The following DNTT variants were observed in gnomAD, a reference collection of about 807,000 sequenced individuals.
DNTT encodes the protein DNA nucleotidylexotransferase.
DNTT carries 47 observed loss-of-function variants against 60.9 expected under a neutral mutation model. The observed-to-expected ratio is 0.77, with a 90% CI of 0.61 to 0.98. DNTT has a LOEUF of 0.98. DNTT is among the 50% of genes least tolerant of loss of function. DNTT has a pLI of 0.00. For synonymous variants in DNTT, 224 were observed against 221.2 expected, an observed-to-expected ratio of 1.01 and a Z score of -0.11; for missense variants, 665 against 627.5, an observed-to-expected ratio of 1.06 and a Z score of -0.64.
chr10:96,314,559 C>T (rs191437027), intron 1 of DNTT, among the ~76,000 whole-genome samples: 55 of 150,624 alleles, frequency 3.7e-4, no homozygotes, highest in African/African-American at 1.3e-3. Flanking sequence ...ACTACAGGCG[C>T]GTTCCACCAC....
At chr10:96,316,420 G>A (rs926739289) in intron 1 of DNTT, among the ~76,000 whole-genome samples, 9 of 151,996 alleles carry the variant, frequency 5.9e-5, no homozygotes, top group African/African-American at 1.4e-4. Context: ...TACCAGACTC[G>A]TCTTTTAAAA....
Position 96,327,608 on chromosome 10 carries a change from A to T in DNTT, c.1007+8A>T. On this transcript the variant is annotated splice_region_variant and intron_variant, in intron 7 of 10. Transcript: ENST00000371174. ...GACAGGAGGGTTCCGGAGGTAAATA[A>T]CTTGGGTGGCTTTGCCTCCTCTGCC... is the stretch of plus-strand genomic sequence containing the variant. 1 of 1,610,302 alleles carries T rather than the reference A, an allele frequency of 6.2e-7. No individual in the cohort carries two copies.
At chr10:96,313,293 A>G (rs1447125320) in intron 1 of DNTT, among the ~76,000 whole-genome samples, 1 of 152,138 alleles carries the variant, frequency 6.6e-6, no homozygotes, top group Non-Finnish European at 1.5e-5. Flanking sequence ...CTTTTATTAT[A>G]AGAAGGAAGC....
chr10:96,329,984 G>A (rs987300436), intron 8 of DNTT, among the ~76,000 whole-genome samples: 3 of 152,206 alleles, frequency 2.0e-5, no homozygotes, highest in African/African-American at 7.2e-5. Context: ...CTCCTAGTCA[G>A]GAGTTTCTCA....
At position 96,307,643 on chromosome 10, in the gene DNTT, G is replaced by A. The variant is rs115001579; in HGVS notation, c.203+2943G>A. Among the ~76,000 whole-genome samples, 1,013 of 146,862 alleles carry A rather than the reference G, an allele frequency of 6.9e-3. 9 individuals carry two copies. The highest frequency in any genetic ancestry group is 0.023 in the African/African-American group (914 of 40,142). On this transcript the variant is annotated intron_variant, in intron 1 of 10. Coordinates refer to ENST00000371174, the MANE Select transcript of DNTT (RefSeq NM_004088.4). ...TGCTGGGATTACAAGCGTGAGCACC[G>A]TGCCTGGCCTCCAATATATTTTTTA...
intron 1 of DNTT, 44 bp downstream of exon 1, chr10:96,304,744 G>A (rs12772674): frequency 0.11 from 177,866 of 1,588,164 alleles, 10,675 homozygotes; most frequent in South Asian, 0.16. Context: ...CAGAGGCTTT[G>A]TGAACAGCTT....
At chr10:96,332,754 T>C (rs1453537756) in intron 9 of DNTT, among the ~76,000 whole-genome samples, 158 bp downstream of exon 9, 1 of 152,164 alleles carries the variant, frequency 6.6e-6, no homozygotes, top group Non-Finnish European at 1.5e-5. Flanking sequence ...TGTCCACACA[T>C]GGCCAAGTAT....
intron 6 of DNTT, among the ~76,000 whole-genome samples, chr10:96,326,988 G>A (rs1203590321): frequency 6.6e-6 from 1 of 152,212 alleles, no homozygotes; most frequent in Non-Finnish European, 1.5e-5. Flanking sequence ...AGGCAAAGAA[G>A]CAACAAGCTA....
chr10:96,337,244 C>T (rs1350187163), intron 10 of DNTT, among the ~76,000 whole-genome samples: 1 of 152,190 alleles, frequency 6.6e-6, no homozygotes, highest in Non-Finnish European at 1.5e-5. Context: ...CCCAAGAATC[C>T]TACCTGATGC....
chr10:96,319,112 G>A (rs989849448), intron 2 of DNTT, 150 bp from the exon 3 acceptor site: 18 of 760,266 alleles, frequency 2.4e-5, no homozygotes, highest in Non-Finnish European at 3.3e-5. Flanking sequence ...ATAATAGCAA[G>A]TTCAAATATT....
intron 1 of DNTT, among the ~76,000 whole-genome samples, chr10:96,314,401 C>CTTTTTTTTTTTTTTTT (rs1564870098): frequency 2.5e-5 from 1 of 39,848 alleles, no homozygotes; most frequent in East Asian, 4.2e-4. Flanking sequence ...CTATCTCTTC[C>CTTTTTTTTTTTTTTTT]CTTTTTTTTT....
In DNTT at chr10:96,304,712, T is replaced by C. The variant is rs868091365; in HGVS notation, c.203+12T>C. The C allele has an allele frequency of 6.2e-7, 1 of 1,611,642 alleles. No individual in the cohort carries two copies. The highest frequency in any genetic ancestry group is 2.2e-5 in the East Asian group (1 of 44,784). ...GAAAATGAGCTCAGGTAGGACAGCATCGATCTTGCTTTGTAAATAAGCAGA... is the reference window on the plus strand; with the variant it reads ...GAAAATGAGCTCAGGTAGGACAGCACCGATCTTGCTTTGTAAATAAGCAGA... On this transcript the variant is annotated intron_variant, in intron 1 of 10. Coordinates refer to ENST00000371174, the MANE Select transcript of DNTT (RefSeq NM_004088.4).
At chr10:96,335,506 T>G (rs1845056859) in intron 9 of DNTT, among the ~76,000 whole-genome samples, 1 of 152,202 alleles carries the variant, frequency 6.6e-6, no homozygotes, top group Non-Finnish European at 1.5e-5. Context: ...TCTTTTACAA[T>G]AACAATATTC....
chr10:96,304,944 C>T (rs2133980417), intron 1 of DNTT, among the ~76,000 whole-genome samples: 1 of 152,312 alleles, frequency 6.6e-6, no homozygotes, highest in East Asian at 1.9e-4. Context: ...TTGCTTTTCA[C>T]TCCTATGAGA....
intron 3 of DNTT, 130 bp from the exon 4 acceptor site, chr10:96,320,488 C>G (rs1160783977): frequency 9.8e-7 from 1 of 1,018,588 alleles, no homozygotes; most frequent in Non-Finnish European, 1.4e-6. Context: ...ATGGGAGACC[C>G]CATCCTGACC....
intron 10 of DNTT, among the ~76,000 whole-genome samples, chr10:96,336,982 G>A (rs1845081618): frequency 6.6e-6 from 1 of 150,910 alleles, no homozygotes; most frequent in Non-Finnish European, 1.5e-5. Context: ...CCCTCTAGGA[G>A]CTTGTAGTCT....
chr10:96,316,055 T>C (rs1001982665), intron 1 of DNTT, among the ~76,000 whole-genome samples: 2 of 152,124 alleles, frequency 1.3e-5, no homozygotes, highest in African/African-American at 4.8e-5. Context: ...AGATCCCAAC[T>C]GTCAACCAGA....
chr10:96,331,766 T>A (rs565266521), intron 8 of DNTT, among the ~76,000 whole-genome samples: 208 of 152,090 alleles, frequency 1.4e-3, no homozygotes, highest in Admixed American at 2.5e-3. Context: ...AACAATATGA[T>A]TTTTTAAGTT....
At chr10:96,338,097 G>A (rs1455198492) in intron 10 of DNTT, 41 bp from the exon 11 acceptor site, 1 of 1,576,236 alleles carries the variant, frequency 6.3e-7, no homozygotes, top group Non-Finnish European at 8.7e-7. Context: ...TGGTGCTTAT[G>A]AAAAATATCT....
Sources: allele counts gnomAD v4.1 joint callset (sites outside exome capture counted in the v4.1 genomes callset), GRCh38; gene constraint gnomAD v4.1.1; transcripts MANE v1.5; gene names NCBI Gene and HGNC (gene_info 2026-07-23, HGNC 2026-07-21).